The following ARHGAP32 variants were observed in gnomAD, a reference collection of about 807,000 sequenced individuals.
ARHGAP32 encodes rho GTPase-activating protein 32.
A neutral mutation model predicts 186.5 loss-of-function variants in ARHGAP32; 51 were observed. The observed-to-expected ratio is 0.27, with a 90% CI of 0.22 to 0.35. The LOEUF (loss-of-function observed/expected upper bound fraction) is 0.35. ARHGAP32 is among the 10% of genes least tolerant of loss of function. The probability of loss-of-function intolerance (pLI) is 1.00; values close to 1 mark genes in which losing one functional copy is unlikely to be tolerated. For missense variants in ARHGAP32, 2,186 were observed against 2,623.5 expected, an observed-to-expected ratio of 0.83 and a Z score of 3.64; for synonymous variants, 950 against 964.3, an observed-to-expected ratio of 0.99 and a Z score of 0.27.
chr11:129,020,379 A>G (rs1167667056), intron 11 of ARHGAP32, among the ~76,000 whole-genome samples: 1 of 152,126 alleles, frequency 6.6e-6, no homozygotes, highest in Non-Finnish European at 1.5e-5. Context: ...TAACATGCTT[A>G]TAACTGTTTC....
In ARHGAP32 at chr11:129,123,636, T is replaced by C; in HGVS notation, c.360-106A>G. ...TAAGAGCTCATGCAAGCAAAAATAT[T>C]TCGTAAGCACATGCGCATGAGCCAC... On this transcript the variant is annotated intron_variant, in intron 4 of 22. Coordinates refer to ENST00000682385, the MANE Select transcript of ARHGAP32 (RefSeq NM_001378024.1). The surrounding 1 kb of genome is among the most constrained non-coding windows in gnomAD (Gnocchi z 4.6). 1.9e-6 allele frequency: 2 copies of C among 1,036,472 alleles called. No homozygotes were observed. The highest frequency in any genetic ancestry group is 2.9e-6 in the Non-Finnish European group (2 of 690,544). The allele number at this position is 1,036,472 out of a possible 1,614,324, so 64.2% of individuals were successfully genotyped here.
intron 2 of ARHGAP32, among the ~76,000 whole-genome samples, chr11:129,127,292 G>A (rs1442196243): frequency 1.3e-5 from 2 of 152,170 alleles, no homozygotes; most frequent in Non-Finnish European, 2.9e-5. Flanking sequence ...AGGGCCTGAC[G>A]GGAAAACCTC....
At chr11:129,244,372 G>A (rs1177964556) in intron 1 of ARHGAP32, among the ~76,000 whole-genome samples, 1 of 152,120 alleles carries the variant, frequency 6.6e-6, no homozygotes, top group Non-Finnish European at 1.5e-5. Flanking sequence ...TATTTCTTTA[G>A]ACTCTAAAAA....
chr11:129,179,006 A>C (rs2135526438), intron 1 of ARHGAP32, among the ~76,000 whole-genome samples: 1 of 151,910 alleles, frequency 6.6e-6, no homozygotes, highest in Non-Finnish European at 1.5e-5. Flanking sequence ...GTGAACAGGC[A>C]ACCTACAAAA....
rs144478377 is a variant in ARHGAP32 at position 129,132,202 on chromosome 11, G to A, written c.226-7308C>T. Among the ~76,000 whole-genome samples the A allele has an allele frequency of 5.7e-3, 871 of 152,300 alleles. 5 individuals are homozygous for A. The highest frequency in any genetic ancestry group is 9.3e-3 in the Non-Finnish European group (632 of 68,024). ...GTCCCCAATAAAAAACGGCAGGCTG[G>A]GCGCAGTAGCTCATGCCTGTAATCC... is the stretch of plus-strand genomic sequence containing the variant. On this transcript the variant is annotated intron_variant, in intron 2 of 22. Transcript: ENST00000682385.
At chr11:128,986,751 A>G in intron 13 of ARHGAP32, 83 bp from the exon 14 acceptor site, 5 of 1,373,774 alleles carry the variant, frequency 3.6e-6, no homozygotes, top group Non-Finnish European at 5.1e-6. Flanking sequence ...CATAAGCTCC[A>G]AAAGTGTTCA....
intron 1 of ARHGAP32, among the ~76,000 whole-genome samples, chr11:129,235,709 A>G (rs1565476117): frequency 6.6e-6 from 1 of 151,806 alleles, no homozygotes; most frequent in African/African-American, 2.4e-5. Context: ...CCCCTTCCCC[A>G]CTACTCCCCG....
Position 128,969,968 on chromosome 11 carries a change from C to T in ARHGAP32, c.5245G>A (p.Val1749Met), listed in dbSNP as rs751904707. 2.5e-6 allele frequency: 4 copies of T among 1,614,206 alleles called. No individual in the cohort carries two copies. Among genetic ancestry groups the T allele is most frequent in the African/African-American group, 1.3e-5 (1 of 75,054 alleles). The change falls in exon 23 of 23, where the codon GTG becomes ATG. Residue 1749 changes from valine to methionine, a missense_variant. By Grantham distance (21) the Val-to-Met change is conservative. Around this residue, in one of 5 missense-constraint regions of ARHGAP32, gnomAD observed 1,502 missense variants for 1,570.0 expected, o/e 0.96. Transcript: ENST00000682385. This position sits in a 1 kb window ranked among gnomAD's most constrained non-coding sequence, Gnocchi z 4.8. ...NVVSMPPAADVKHTYTSWDLE... is the reference protein window; with the variant it reads ...NVVSMPPAADMKHTYTSWDLE... ...TCCCATGAGGTGTAGGTGTGCTTCA[C>T]ATCAGCAGCCGGAGGCATGCTGACT...
chr11:129,089,627 G>A (rs994257695), intron 6 of ARHGAP32, among the ~76,000 whole-genome samples: 2 of 152,172 alleles, frequency 1.3e-5, no homozygotes, highest in Non-Finnish European at 2.9e-5. Flanking sequence ...TAGGACCCTC[G>A]TAGACCTCGG....
At chr11:129,187,197 G>A (rs1405034466) in intron 1 of ARHGAP32, among the ~76,000 whole-genome samples, 1 of 152,148 alleles carries the variant, frequency 6.6e-6, no homozygotes, top group East Asian at 1.9e-4. Flanking sequence ...AAAATAATGA[G>A]ATTTAGTCAT....
At chr11:128,987,985 G>A in intron 13 of ARHGAP32, 38 bp downstream of exon 13, 1 of 1,257,684 alleles carries the variant, frequency 8.0e-7, no homozygotes, top group African/African-American at 1.6e-5. Flanking sequence ...ATTTTAATTA[G>A]TTAAGAAGGA....
In ARHGAP32 at chr11:129,107,161, A is replaced by C. The variant is rs190007906; in HGVS notation, c.445-13454T>G. On this transcript the variant is annotated intron_variant, in intron 5 of 22. Coordinates refer to ENST00000682385, the MANE Select transcript of ARHGAP32 (RefSeq NM_001378024.1). ...CAAAAGGTGGAGGGATGATACATTT[A>C]AAATACTGAAAGAAAAACCTAGTCA... Among the ~76,000 whole-genome samples the C allele has an allele frequency of 2.0e-4, 31 of 152,338 alleles. No homozygotes were observed. In the East Asian group the frequency reaches 5.2e-3, roughly 26 times the overall value.
intron 11 of ARHGAP32, among the ~76,000 whole-genome samples, chr11:129,014,907 AAGT>A (rs1430362851): frequency 6.6e-6 from 1 of 151,810 alleles, no homozygotes; most frequent in Non-Finnish European, 1.5e-5. Flanking sequence ...GCATACCTTA[AAGT>A]ACTTTATGTT....
chr11:129,261,751 G>A (rs1376727201), intron 1 of ARHGAP32, among the ~76,000 whole-genome samples: 8 of 151,586 alleles, frequency 5.3e-5, no homozygotes, highest in Admixed American at 5.2e-4. Flanking sequence ...AAGGCAATTT[G>A]TTCTGTTAAT....
intron 11 of ARHGAP32, among the ~76,000 whole-genome samples, chr11:129,019,777 T>C (rs943660831): frequency 7.9e-5 from 12 of 152,120 alleles, no homozygotes; most frequent in East Asian, 1.9e-4. Flanking sequence ...ACCAATGACC[T>C]AGTCATTGAA....
chr11:129,249,330 T>C (rs11221619), intron 1 of ARHGAP32, among the ~76,000 whole-genome samples: 45,525 of 151,622 alleles, frequency 0.3, 7,154 homozygotes, highest in Middle Eastern at 0.41. Flanking sequence ...TATATATATA[T>C]ACACACACAC....
intron 2 of ARHGAP32, 74 bp downstream of exon 2, chr11:129,164,245 A>G (rs1943588624): frequency 5.4e-6 from 5 of 927,254 alleles, no homozygotes; most frequent in Non-Finnish European, 7.9e-6. Context: ...ATGTGTCCTC[A>G]GTTCCTTTTC....
At chr11:129,150,935 A>G (rs1943273175) in intron 2 of ARHGAP32, among the ~76,000 whole-genome samples, 1 of 129,998 alleles carries the variant, frequency 7.7e-6, no homozygotes, top group Non-Finnish European at 1.7e-5. Context: ...GAATGAATTA[A>G]AAAAAAAAAA....
chr11:129,148,015 T>G lies in ARHGAP32; in HGVS notation c.225+16304A>C, dbSNP rs550004635. ...CTATAAGAAGTGAAATAAAACTATT[T>G]CCCATCTGAAACTTTTAGGAAAGCC... On this transcript the variant is annotated intron_variant, in intron 2 of 22. Coordinates refer to ENST00000682385, the MANE Select transcript of ARHGAP32 (RefSeq NM_001378024.1). Among the ~76,000 whole-genome samples the G allele has an allele frequency of 1.3e-4, 20 of 152,314 alleles. No homozygotes were observed. The South Asian group carries it at 2.3e-3, about 17-fold the overall frequency.
Sources: allele counts gnomAD v4.1 joint callset (sites outside exome capture counted in the v4.1 genomes callset), GRCh38; gene constraint gnomAD v4.1.1; regional missense constraint gnomAD v4.1.1; non-coding constraint Gnocchi (gnomAD v3.1); transcripts MANE v1.5; gene names NCBI Gene and HGNC (gene_info 2026-07-23, HGNC 2026-07-21).